ERGIC2: variants seen among roughly 807,000 people sequenced by gnomAD.
ERGIC2 encodes endoplasmic reticulum-Golgi intermediate compartment protein 2.
A neutral mutation model predicts 52.5 loss-of-function variants in ERGIC2; 31 were observed. The observed-to-expected ratio is 0.59, with a 90% confidence interval of 0.44 to 0.80. The LOEUF (loss-of-function observed/expected upper bound fraction) is 0.80, where lower values mean the gene tolerates loss of function less well. Ranked by LOEUF, ERGIC2 falls within the 30% of genes least tolerant of loss-of-function variation. The pLI, the probability that ERGIC2 is intolerant of heterozygous loss-of-function variation, is 0.00. For missense variants in ERGIC2, 395 were observed against 455.2 expected (o/e 0.87, Z 1.20); for synonymous variants, 129 against 140.6 (o/e 0.92, Z 0.58).
rs1940225350 is a variant in ERGIC2, at chr12:29,357,571, T to C, written c.476+52A>G. 1.0e-5 allele frequency: 10 copies of C among 959,058 alleles called. No homozygotes were observed. The South Asian group carries it at 1.4e-4, about 13-fold the overall frequency. The allele number at this position is 959,058 out of a possible 1,614,324, so 59.4% of individuals were successfully genotyped here. A position where few individuals can be genotyped will look rare whatever the true frequency, so the allele number is the denominator to read the frequency against. ...TAAACCAACACTTTAGTTTTAACTA[T>C]GTCAAAGTAAATTCATAATAAACAG... On this transcript the variant is annotated intron_variant, in intron 7 of 13. Coordinates refer to ENST00000360150, the MANE Select transcript of ERGIC2 (RefSeq NM_016570.3).
rs1949841702 is a variant in ERGIC2 at position 29,341,728 on chromosome 12, A to G, written c.1071+6T>C. ...AGATCAGCACCATGTATACTACACC[A>G]CTTACAGAATTGACAGGTTTATAGG... is the stretch of plus-strand genomic sequence containing the variant. On this transcript the variant is annotated splice_donor_region_variant and intron_variant, in intron 13 of 13. Transcript: ENST00000360150. The G allele has an allele frequency of 1.4e-6, 2 of 1,471,750 alleles. No individual in the cohort carries two copies. The highest frequency in any genetic ancestry group is 1.9e-6 in the Non-Finnish European group (2 of 1,051,478). The allele number at this position is 1,471,750 out of a possible 1,614,324, so 91.2% of individuals were successfully genotyped here.
intron 10 of ERGIC2, among the ~76,000 whole-genome samples, chr12:29,348,321 C>T (rs1467387191): frequency 6.6e-6 from 1 of 151,880 alleles, no homozygotes; most frequent in Non-Finnish European, 1.5e-5. Context: ...AAAACTAAAT[C>T]CTTAATTACA....
In ERGIC2 at chr12:29,371,530, G is replaced by A. The variant is rs776569648; in HGVS notation, c.104C>T (p.Thr35Ile). The A allele has an allele frequency of 8.7e-6, 14 of 1,600,300 alleles. No homozygotes were observed. The East Asian group carries it at 2.9e-4, about 33-fold the overall frequency. The change falls in exon 2 of 14, where the codon ACA becomes ATA. Residue 35 changes from threonine (T) to isoleucine (I), a missense_variant and splice_region_variant. By Grantham distance (89) the Thr-to-Ile change is moderately conservative. Transcript: ENST00000360150. The part of the protein sequence containing the change: ...SYVETSASGG[T>I]VSLIAFTTMA... Reference sequence around the variant, plus strand: ...TTTTAATGTTAACTGATACTCACCTGTACCTCCACTGGCTGAAGTCTCTAC... The same window carrying A: ...TTTTAATGTTAACTGATACTCACCTATACCTCCACTGGCTGAAGTCTCTAC...
intron 6 of ERGIC2, among the ~76,000 whole-genome samples, chr12:29,358,541 G>A (rs1476718917): frequency 6.6e-6 from 1 of 152,128 alleles, no homozygotes; most frequent in African/African-American, 2.4e-5. Flanking sequence ...TGGTGATGAT[G>A]ATGTGTCAAC....
intron 3 of ERGIC2, among the ~76,000 whole-genome samples, chr12:29,369,754 G>T (rs909372364): frequency 6.6e-6 from 1 of 151,930 alleles, no homozygotes; most frequent in Non-Finnish European, 1.5e-5. Flanking sequence ...AGTCATAAGG[G>T]TATACAATGT....
At chr12:29,371,823 CT>C (rs1940445441) in intron 1 of ERGIC2, among the ~76,000 whole-genome samples, 153 bp from the exon 2 acceptor site, 1 of 152,170 alleles carries the variant, frequency 6.6e-6, no homozygotes, top group African/African-American at 2.4e-5. Context: ...CACACTACTC[CT>C]TTCCCCATTC....
chr12:29,354,789 A>T (rs953890706), intron 8 of ERGIC2, among the ~76,000 whole-genome samples: 1 of 152,162 alleles, frequency 6.6e-6, no homozygotes, highest in Admixed American at 6.6e-5. Context: ...TCTGATTATA[A>T]TATTTGTCAA....
intron 8 of ERGIC2, among the ~76,000 whole-genome samples, chr12:29,352,764 G>T (rs954436716): frequency 5.3e-5 from 8 of 152,140 alleles, no homozygotes; most frequent in Non-Finnish European, 1.0e-4. Context: ...TATATAAACT[G>T]TAGTTTGCCT....
chr12:29,341,384 T>C (rs546880175), intron 13 of ERGIC2, among the ~76,000 whole-genome samples, 166 bp from the exon 14 acceptor site: 1 of 149,098 alleles, frequency 6.7e-6, no homozygotes, highest in Non-Finnish European at 1.5e-5. Flanking sequence ...TCTATCTTTT[T>C]TGAGGCAGGG....
intron 1 of ERGIC2, among the ~76,000 whole-genome samples, chr12:29,379,275 C>T (rs1940554898): frequency 6.6e-6 from 1 of 152,066 alleles, no homozygotes; most frequent in Non-Finnish European, 1.5e-5. Flanking sequence ...AATGAATGTT[C>T]TCAAAAGCAA....
chr12:29,375,301 G>A (rs1940500457), intron 1 of ERGIC2, among the ~76,000 whole-genome samples: 2 of 152,126 alleles, frequency 1.3e-5, no homozygotes. Context: ...CGGATTGTTA[G>A]AGCAGGAACC....
At chr12:29,366,250 C>A (rs1354600782) in intron 5 of ERGIC2, among the ~76,000 whole-genome samples, 1 of 151,950 alleles carries the variant, frequency 6.6e-6, no homozygotes, top group African/African-American at 2.4e-5. Context: ...TAGTTCTGAT[C>A]ATGACTCGTT....
At chr12:29,372,068 G>T (rs1045182189) in intron 1 of ERGIC2, among the ~76,000 whole-genome samples, 1 of 152,134 alleles carries the variant, frequency 6.6e-6, no homozygotes, top group African/African-American at 2.4e-5. Flanking sequence ...GGCCAGGCAC[G>T]GTCGCTCACG....
intron 3 of ERGIC2, 45 bp from the exon 4 acceptor site, chr12:29,368,332 C>G (rs1026170086): frequency 1.9e-5 from 19 of 992,100 alleles, no homozygotes; most frequent in Non-Finnish European, 2.8e-5. Context: ...AATTAATTAG[C>G]AAAACATGAG....
chr12:29,343,925 CT>C (rs1565535346), intron 11 of ERGIC2, among the ~76,000 whole-genome samples: 1 of 152,114 alleles, frequency 6.6e-6, no homozygotes, highest in Non-Finnish European at 1.5e-5. Context: ...CTCCCACCCC[CT>C]ATCCTGCATT....
intron 8 of ERGIC2, among the ~76,000 whole-genome samples, chr12:29,356,033 T>G (rs1420039527): frequency 6.6e-6 from 1 of 152,180 alleles, no homozygotes; most frequent in Admixed American, 6.5e-5. Context: ...TTTACTTTTT[T>G]TTTTTTGGAT....
At chr12:29,346,749 C>A (rs536307609) in intron 10 of ERGIC2, among the ~76,000 whole-genome samples, 1 of 152,096 alleles carries the variant, frequency 6.6e-6, no homozygotes, top group East Asian at 1.9e-4. Flanking sequence ...AAGTTTGACA[C>A]AAGTTTTAAA....
rs373380121 is a variant in ERGIC2 at position 29,345,419 on chromosome 12, T to C, written c.825+24A>G. On this transcript the variant is annotated intron_variant, in intron 11 of 13. Coordinates refer to ENST00000360150, the MANE Select transcript of ERGIC2 (RefSeq NM_016570.3). ...CTTTTTTAAAAAAATCACCAAATTATTTTACCGGTTGGATTCAACTTACCC... is the reference window on the plus strand; with the variant it reads ...CTTTTTTAAAAAAATCACCAAATTACTTTACCGGTTGGATTCAACTTACCC... The C allele has an allele frequency of 2.6e-5, 34 of 1,287,166 alleles. No individual in the cohort carries two copies. The African/African-American group carries it at 4.5e-4, about 17-fold the overall frequency. The allele number at this position is 1,287,166 out of a possible 1,614,324, so 79.7% of individuals were successfully genotyped here. A position where few individuals can be genotyped will look rare whatever the true frequency, so the allele number is the denominator to read the frequency against.
At chr12:29,370,003 G>T in intron 3 of ERGIC2, 111 bp downstream of exon 3, 1 of 1,031,216 alleles carries the variant, frequency 9.7e-7, no homozygotes, top group Non-Finnish European at 1.3e-6. Context: ...TATTTCTTCA[G>T]AACTAAAACA....
Sources: gnomAD v4.1 joint callset for allele counts (sites outside exome capture counted in the v4.1 genomes callset) on GRCh38, gnomAD v4.1.1 for gene constraint, MANE v1.5 for transcripts, NCBI Gene and HGNC (gene_info 2026-07-23, HGNC 2026-07-21) for gene names.